The following LDLRAP1 variants were observed in gnomAD, a reference collection of about 807,000 sequenced individuals.
LDLRAP1 encodes low density lipoprotein receptor adaptor protein 1.
In LDLRAP1, 30 loss-of-function variants were observed where a neutral mutation model predicts 37.8. The ratio of observed to expected loss-of-function variants is 0.79; its 90% CI spans 0.59 to 1.08. LDLRAP1 has a LOEUF of 1.08. Ranked by LOEUF, LDLRAP1 falls within the 50% of genes least tolerant of loss-of-function variation. LDLRAP1 has a pLI of 0.00. For missense variants in LDLRAP1, 375 were observed against 401.6 expected (o/e 0.93, Z 0.57); for synonymous variants, 156 against 169.8 (o/e 0.92, Z 0.63).
the LDLRAP1 span, among the ~76,000 whole-genome samples, chr1:25,586,889 G>A: frequency 6.6e-6 from 1 of 152,150 alleles, no homozygotes; most frequent in African/African-American, 2.4e-5. The surrounding 1 kb of genome is among the most constrained non-coding windows in gnomAD (Gnocchi z 4.3). Flanking sequence ...GCTGACCCTA[G>A]AGTGAGCATG....
At chr1:25,564,106 GC>G in intron 7 of LDLRAP1, 1 of 397,362 alleles carries the variant, frequency 2.5e-6, no homozygotes, top group South Asian at 2.1e-5. Flanking sequence ...GGCAGAGCTC[GC>G]TCCTACCACC....
At chr1:25,583,080 A>C in the LDLRAP1 span, among the ~76,000 whole-genome samples, 10 of 152,064 alleles carry the variant, frequency 6.6e-5, no homozygotes, top group Admixed American at 4.6e-4. Context: ...AAAAAAAAAA[A>C]CAAAAATTCC....
At position 25,554,583 on chromosome 1, in the gene LDLRAP1, T is replaced by A. The variant is rs1188583924; in HGVS notation, c.232-277T>A. On this transcript the variant is annotated intron_variant, in intron 2 of 8. Transcript: ENST00000374338. The surrounding 1 kb of genome is among the most constrained non-coding windows in gnomAD (Gnocchi z 5.4). ...GTCTGCAGGCCCTTCTAGCTGTGTG[T>A]CCTTGGGTAAGTCCCTTAGCCTCTC... Among the ~76,000 whole-genome samples the A allele has an allele frequency of 6.6e-6, 1 of 152,240 alleles. No individual in the cohort carries two copies. Among genetic ancestry groups the A allele is most frequent in the Non-Finnish European group, 1.5e-5 (1 of 68,038 alleles).
At position 25,563,726 on chromosome 1, in the gene LDLRAP1, G is replaced by T; in HGVS notation, c.682G>T (p.Ala228Ser). 1 of 1,613,938 alleles carries T rather than the reference G, an allele frequency of 6.2e-7. No individual in the cohort carries two copies. Among genetic ancestry groups the T allele is most frequent in the Non-Finnish European group, 8.5e-7 (1 of 1,180,030 alleles). ...TAAGGCCCCGCTGTCCACGGTCAGCGCCAACACCACCAACATGGACGAGGT... is the reference window on the plus strand; with the variant it reads ...TAAGGCCCCGCTGTCCACGGTCAGCTCCAACACCACCAACATGGACGAGGT... ...TAKAPLSTVS[A>S]NTTNMDEVPR... The change falls in exon 7 of 9, where the codon GCC (alanine) becomes TCC (serine). Residue 228 changes from alanine (A) to serine (S), a missense_variant. Transcript: ENST00000374338.
chr1:25,563,216 G>A, intron 6 of LDLRAP1, 63 bp downstream of exon 6: 4 of 1,422,110 alleles, frequency 2.8e-6, no homozygotes, highest in Middle Eastern at 2.0e-4. Context: ...CACCCAGGGG[G>A]GTCCCACTCC....
chr1:25,580,708 C>T, the LDLRAP1 span, among the ~76,000 whole-genome samples: 2 of 152,104 alleles, frequency 1.3e-5, no homozygotes, highest in Admixed American at 6.5e-5. Flanking sequence ...GATGGAGCCT[C>T]ACTACATTGC....
intron 1 of LDLRAP1, among the ~76,000 whole-genome samples, chr1:25,546,917 A>G (rs1409194169): frequency 1.3e-5 from 2 of 152,156 alleles, no homozygotes; most frequent in Non-Finnish European, 2.9e-5. Flanking sequence ...GGCCCAGGGA[A>G]GCCAAAAGAT....
chr1:25,558,509 G>A (rs762943399), intron 4 of LDLRAP1, among the ~76,000 whole-genome samples: 37 of 152,156 alleles, frequency 2.4e-4, no homozygotes, highest in Non-Finnish European at 4.6e-4. Context: ...AAACTAGGTC[G>A]GCAGGATTGT....
At chr1:25,584,774 A>G in the LDLRAP1 span, among the ~76,000 whole-genome samples, 1 of 152,126 alleles carries the variant, frequency 6.6e-6, no homozygotes, top group Admixed American at 6.5e-5. Flanking sequence ...ATCTGGCCCT[A>G]TGTGTTGGGG....
At chr1:25,560,931 C>G (rs561335614) in intron 4 of LDLRAP1, among the ~76,000 whole-genome samples, 27 of 152,278 alleles carry the variant, frequency 1.8e-4, no homozygotes, top group Non-Finnish European at 3.5e-4. Context: ...CAGTCCCTGC[C>G]CAGCCTGGGC....
At chr1:25,569,348 A>G (rs1226186869), downstream of LDLRAP1, among the ~76,000 whole-genome samples, 1 of 152,152 alleles carries the variant, frequency 6.6e-6, no homozygotes, top group Non-Finnish European at 1.5e-5. Context: ...TACTGGGGAC[A>G]GGGGTCCAGG....
the LDLRAP1 span, among the ~76,000 whole-genome samples, chr1:25,575,312 A>G: frequency 1.3e-5 from 2 of 151,742 alleles, no homozygotes; most frequent in East Asian, 2.0e-4. Flanking sequence ...TTGCCCAGGC[A>G]TAGGGGCTCA....
chr1:25,563,856 G>A, intron 7 of LDLRAP1, 65 bp downstream of exon 7: 1 of 1,604,504 alleles, frequency 6.2e-7, no homozygotes. Context: ...GCCTGGGGCT[G>A]CTCCAGGGAC....
chr1:25,562,744 G>A (rs2044373591), intron 5 of LDLRAP1, 28 bp downstream of exon 5: 1 of 1,597,726 alleles, frequency 6.3e-7, no homozygotes, highest in African/African-American at 1.3e-5. Context: ...CATTGTGGGT[G>A]TGGTGGGAGG....
At chr1:25,584,622 G>C in the LDLRAP1 span, among the ~76,000 whole-genome samples, 1 of 152,112 alleles carries the variant, frequency 6.6e-6, no homozygotes, top group Non-Finnish European at 1.5e-5. Flanking sequence ...GGTCTTGGGT[G>C]GTGGGGAAGA....
chr1:25,577,791 C>T, the LDLRAP1 span, among the ~76,000 whole-genome samples: 7 of 152,344 alleles, frequency 4.6e-5, no homozygotes, highest in Non-Finnish European at 5.9e-5. Context: ...ATGCCACCCT[C>T]GGAGCCTCAT....
At chr1:25,547,653 C>T (rs924671470) in intron 1 of LDLRAP1, among the ~76,000 whole-genome samples, 1 of 152,154 alleles carries the variant, frequency 6.6e-6, no homozygotes, top group Non-Finnish European at 1.5e-5. Flanking sequence ...GTGGAGAGGA[C>T]TCCTGGGGTC....
At chr1:25,586,848 C>A in the LDLRAP1 span, among the ~76,000 whole-genome samples, 2 of 152,116 alleles carry the variant, frequency 1.3e-5, no homozygotes, top group African/African-American at 2.4e-5. This position sits in a 1 kb window ranked among gnomAD's most constrained non-coding sequence, Gnocchi z 4.3. Context: ...CTGAGCTGAA[C>A]CCTGACTCTA....
At chr1:25,574,467 G>T in the LDLRAP1 span, among the ~76,000 whole-genome samples, 3 of 152,216 alleles carry the variant, frequency 2.0e-5, no homozygotes, top group Non-Finnish European at 2.9e-5. Context: ...ATGTCCTCCT[G>T]CTCTGTTGTC....
Sources: gnomAD v4.1 joint callset for allele counts (sites outside exome capture counted in the v4.1 genomes callset) on GRCh38, gnomAD v4.1.1 for gene constraint, Gnocchi (gnomAD v3.1) non-coding constraint, MANE v1.5 for transcripts, NCBI Gene and HGNC (gene_info 2026-07-23, HGNC 2026-07-21) for gene names.